FN1: variants seen among roughly 807,000 people sequenced by gnomAD.
The protein encoded by FN1 is fibronectin 1.
FN1 carries 106 observed loss-of-function variants against 297.3 expected under a neutral mutation model. That is an observed-to-expected ratio of 0.36 (90% CI 0.30 to 0.42). The LOEUF (loss-of-function observed/expected upper bound fraction) is 0.42, where lower values mean the gene tolerates loss of function less well. Ranked by LOEUF, FN1 falls within the 10% of genes least tolerant of loss-of-function variation. The pLI is 1.00. For synonymous variants in FN1, 1,149 were observed against 1,152.6 expected, an observed-to-expected ratio of 1.00 and a Z score of 0.06; for missense variants, 2,690 against 3,124.9, an observed-to-expected ratio of 0.86 and a Z score of 3.32.
intron 10 of FN1, among the ~76,000 whole-genome samples, chr2:215,421,580 A>G (rs970552787): frequency 4.6e-5 from 7 of 152,254 alleles, no homozygotes; most frequent in African/African-American, 1.7e-4. Context: ...TATCAAAGAA[A>G]TGGAAAACTA....
At chr2:215,373,176 G>T in intron 39 of FN1, 146 bp downstream of exon 39, 2 of 644,288 alleles carry the variant, frequency 3.1e-6, no homozygotes, top group South Asian at 1.6e-5. Context: ...TCCTATTAAA[G>T]AATACAATAT....
intron 45 of FN1, 113 bp from the exon 46 acceptor site, chr2:215,361,739 T>C: frequency 1.9e-6 from 2 of 1,028,416 alleles, no homozygotes; most frequent in African/African-American, 1.6e-5. Flanking sequence ...TAGGATAATA[T>C]TTCTTCCTAG....
At chr2:215,395,608 T>G (rs993725036) in intron 23 of FN1, among the ~76,000 whole-genome samples, 3 of 150,476 alleles carry the variant, frequency 2.0e-5, no homozygotes, top group African/African-American at 4.9e-5. Flanking sequence ...ATCACAGAAA[T>G]TGGGCAGTAA....
At chr2:215,389,213 C>G (rs988922610) in intron 26 of FN1, among the ~76,000 whole-genome samples, 2 of 152,014 alleles carry the variant, frequency 1.3e-5, no homozygotes, top group Non-Finnish European at 2.9e-5. Context: ...AAGTGATTCT[C>G]CTGCCTCAGA....
chr2:215,435,953 G>A lies in FN1; in HGVS notation c.-151C>T, dbSNP rs1034769355. ...GGGGCCAGAGGGTGGGGAAGGGGACGGGTGGAGGGACAGAAGGGATGCAGA... is the reference window on the plus strand; with the variant it reads ...GGGGCCAGAGGGTGGGGAAGGGGACAGGTGGAGGGACAGAAGGGATGCAGA... On this transcript the variant is annotated 5_prime_UTR_variant, in exon 1 of 46. Coordinates refer to ENST00000354785, the MANE Select transcript of FN1 (RefSeq NM_212482.4). 42 of 1,426,630 alleles carry A rather than the reference G, an allele frequency of 2.9e-5. No homozygotes were observed. The highest frequency in any genetic ancestry group is 3.8e-5 in the Non-Finnish European group (41 of 1,088,722). 88.4% of individuals were successfully genotyped at this position (1,426,630 alleles called of 1,614,324 possible). A position where few individuals can be genotyped will look rare whatever the true frequency, so the allele number is the denominator to read the frequency against.
chr2:215,427,653 A>G (rs1342654498), intron 6 of FN1, among the ~76,000 whole-genome samples: 1 of 152,254 alleles, frequency 6.6e-6, no homozygotes, highest in Non-Finnish European at 1.5e-5. Flanking sequence ...AGTTTGCCAG[A>G]GCATAGAAAC....
At chr2:215,379,985 T>A (rs948447709) in intron 33 of FN1, 1 of 152,638 alleles carries the variant, frequency 6.6e-6, no homozygotes, top group Non-Finnish European at 1.5e-5. Flanking sequence ...TGTGAGCCAC[T>A]GCACCCGGCC....
intron 42 of FN1, 157 bp from the exon 43 acceptor site, chr2:215,365,787 A>T: frequency 2.5e-6 from 1 of 405,636 alleles, no homozygotes; most frequent in East Asian, 4.3e-5. Context: ...CATTTATTTT[A>T]TTTATTTATT....
Position 215,423,389 on chromosome 2 carries a change from A to G in FN1, c.1354T>C (p.Tyr452His). 6.2e-7 allele frequency: 1 copy of G among 1,614,214 alleles called. No homozygotes were observed. The highest frequency in any genetic ancestry group is 8.5e-7 in the Non-Finnish European group (1 of 1,180,028). Residue 452 changes from tyrosine to histidine, a missense_variant, in exon 9 of 46, where the codon TAT becomes CAT. Coordinates refer to ENST00000354785, the MANE Select transcript of FN1 (RefSeq NM_212482.4). ...AACCCAAACTTCTGGTCGGCATCAT[A>G]GTTCTGTGTGGTCCCACACCACTTC... ...NMKWCGTTQN[Y>H]DADQKFGFCP... is the part of the protein sequence containing the mutation.
At chr2:215,385,820 C>T (rs1252985665) in intron 28 of FN1, among the ~76,000 whole-genome samples, 3 of 147,036 alleles carry the variant, frequency 2.0e-5, no homozygotes, top group African/African-American at 7.6e-5. Context: ...CCTCTGTCAC[C>T]AGGCTGGAGT....
intron 2 of FN1, among the ~76,000 whole-genome samples, chr2:215,434,459 T>G (rs1026140010): frequency 4.6e-5 from 7 of 152,132 alleles, no homozygotes; most frequent in Non-Finnish European, 5.9e-5. Context: ...CATCAAAAAC[T>G]TTGGGAGAGT....
At chr2:215,404,994 C>T (rs189018625) in intron 19 of FN1, among the ~76,000 whole-genome samples, 12 of 152,306 alleles carry the variant, frequency 7.9e-5, no homozygotes, top group African/African-American at 2.2e-4. Flanking sequence ...CTGAAGTTCA[C>T]AGTTAGCTCT....
intron 44 of FN1, chr2:215,363,750 A>G (rs1325707258): frequency 7.2e-6 from 1 of 139,504 alleles, no homozygotes; most frequent in Non-Finnish European, 1.6e-5. Context: ...GGGCTGTCAC[A>G]TTCCATTGCT....
rs1162515117 is a variant in FN1 at position 215,406,428 on chromosome 2, A to G, written c.2796T>C (p.Ser932=). 1 of 1,613,968 alleles carries G rather than the reference A, an allele frequency of 6.2e-7. No individual in the cohort carries two copies. The highest frequency in any genetic ancestry group is 1.3e-5 in the African/African-American group (1 of 74,892). The change falls in exon 19 of 46, where the codon AGT becomes AGC. Residue 932 remains serine, a synonymous_variant. Transcript: ENST00000354785. The part of the protein sequence containing the change: ...KVTIMWTPPE[S]AVTGYRVDVI... ...CATCCACACGGTAGCCGGTCACTGC[A>G]CTCTCAGGCGGTGTCCACATGATGG... is the stretch of plus-strand genomic sequence containing the variant.
chr2:215,368,531 C>T (rs1011728860), intron 41 of FN1, among the ~76,000 whole-genome samples: 1 of 152,146 alleles, frequency 6.6e-6, no homozygotes, highest in Non-Finnish European at 1.5e-5. Context: ...GACCCTTTTC[C>T]AAGACTTAGA....
chr2:215,365,896 C>A (rs1575182422), intron 42 of FN1: 1 of 186,678 alleles, frequency 5.4e-6, no homozygotes, highest in East Asian at 1.4e-4. Context: ...ACCTCCATCT[C>A]CTGGGTTCAT....
rs115243476 is a variant in FN1 at position 215,417,184 on chromosome 2, A to C, written c.1819+2058T>G. The stretch of plus-strand genomic sequence containing the variant: ...TTGACAGTCCTTTTTCGCTACTGGT[A>C]GTTGGTATAACTTTTTAAATTAACT... On this transcript the variant is annotated intron_variant, in intron 12 of 45. Coordinates refer to ENST00000354785, the MANE Select transcript of FN1 (RefSeq NM_212482.4). 8.1e-3 allele frequency among the ~76,000 whole-genome samples: 1,232 copies of C among 152,282 alleles called. 13 individuals carry two copies. The highest frequency in any genetic ancestry group is 0.027 in the African/African-American group (1,132 of 41,546).
chr2:215,384,387 C>T, intron 29 of FN1: 1 of 587,594 alleles, frequency 1.7e-6, no homozygotes. Context: ...GAGAAAATTA[C>T]AGTTAGCGCT....
intron 23 of FN1, among the ~76,000 whole-genome samples, chr2:215,395,537 CTCA>C (rs1559452187): frequency 1.1e-5 from 1 of 86,988 alleles, no homozygotes; most frequent in African/African-American, 5.1e-5. Context: ...GAGACTCTGT[CTCA>C]AAAAAAAAAA....
Sources: gnomAD v4.1 joint callset for allele counts (sites outside exome capture counted in the v4.1 genomes callset) on GRCh38, gnomAD v4.1.1 for gene constraint, MANE v1.5 for transcripts, NCBI Gene and HGNC (gene_info 2026-07-23, HGNC 2026-07-21) for gene names.